Variants in EPHA8 observed in about 807,000 individuals in gnomAD.
The protein encoded by EPHA8 is ephrin type-A receptor 8.
In EPHA8, 58 loss-of-function variants were observed where a neutral mutation model predicts 103.6. The ratio of observed to expected loss-of-function variants is 0.56; its 90% CI spans 0.45 to 0.70. The LOEUF (loss-of-function observed/expected upper bound fraction) is 0.70, where lower values mean the gene tolerates loss of function less well. Ranked by LOEUF, EPHA8 falls within the 30% of genes least tolerant of loss-of-function variation. The pLI, the probability that EPHA8 is intolerant of heterozygous loss-of-function variation, is 0.00. For missense variants in EPHA8, 1,304 were observed against 1,395.2 expected, an observed-to-expected ratio of 0.93 and a Z score of 1.04; for synonymous variants, 559 against 572.5, an observed-to-expected ratio of 0.98 and a Z score of 0.34.
Position 22,576,907 on chromosome 1 carries a change from G to A in EPHA8, c.823+27G>A, listed in dbSNP as rs1427377856. The stretch of plus-strand genomic sequence containing the variant: ...TGAGCGCGCCATGGCCTGGGCATGG[G>A]TCAGCCGGCAGCGGTGCTTGGTCTT... On this transcript the variant is annotated intron_variant, in intron 3 of 16. Coordinates refer to ENST00000166244, the MANE Select transcript of EPHA8 (RefSeq NM_020526.5). The surrounding 1 kb of genome is among the most constrained non-coding windows in gnomAD (Gnocchi z 4.8). 1 of 1,556,410 alleles carries A rather than the reference G, an allele frequency of 6.4e-7. No homozygotes were observed. The highest frequency in any genetic ancestry group is 8.7e-7 in the Non-Finnish European group (1 of 1,148,104).
chr1:22,600,965 A>G lies in EPHA8; in HGVS notation c.2606A>G (p.Gln869Arg). 6.2e-7 allele frequency: 1 copy of G among 1,613,002 alleles called. No individual in the cohort carries two copies. The highest frequency in any genetic ancestry group is 8.5e-7 in the Non-Finnish European group (1 of 1,179,826). The change falls in exon 15 of 17, where the codon CAG becomes CGG. Residue 869 changes from glutamine (Q) to arginine (R), a missense_variant. Gln to Arg is a conservative substitution (Grantham distance 43, BLOSUM62 1). Coordinates refer to ENST00000166244, the MANE Select transcript of EPHA8 (RefSeq NM_020526.5). ...ATGGGCTGCCCCCACGCCCTGCACC[A>G]GCTCATGCTCGACTGTTGGCACAAG... ...APMGCPHALH[Q>R]LMLDCWHKDR... is the part of the protein sequence containing the mutation.
Position 22,597,940 on chromosome 1 carries a change from A to G in EPHA8, c.2116+79A>G, listed in dbSNP as rs536446597. ...GGCCTCTGGGTCCATCCCCTCATCC[A>G]TCCTGCTCTGCCCCACCTGACCCTG... On this transcript the variant is annotated intron_variant, in intron 11 of 16. Transcript: ENST00000166244. The surrounding 1 kb of genome is among the most constrained non-coding windows in gnomAD (Gnocchi z 4.6). 3.7e-5 allele frequency: 57 copies of G among 1,538,266 alleles called. No individual in the cohort carries two copies. The Admixed American group carries it at 7.7e-4, about 21-fold the overall frequency.
rs777366214 is a variant in EPHA8, at chr1:22,597,346, C to A, written c.1800C>A (p.Pro600=). Residue 600 remains proline, a synonymous_variant, in exon 10 of 17, where the codon CCC becomes CCA. Coordinates refer to ENST00000166244, the MANE Select transcript of EPHA8 (RefSeq NM_020526.5). The surrounding 1 kb of genome is among the most constrained non-coding windows in gnomAD (Gnocchi z 4.6). ...PPPVFLPLHH[P]PGKLPEPQFY... is the part of the protein sequence containing the mutation. Reference sequence around the variant, plus strand: ...CTGTCTTCCTGCCTCTGCATCACCCCCCGGGAAAGCTCCCAGAGCCCCAGT... The same window carrying A: ...CTGTCTTCCTGCCTCTGCATCACCCACCGGGAAAGCTCCCAGAGCCCCAGT... The A allele has an allele frequency of 6.8e-6, 11 of 1,611,514 alleles. No homozygotes were observed. Among genetic ancestry groups the A allele is most frequent in the Non-Finnish European group, 9.3e-6 (11 of 1,178,664 alleles).
chr1:22,591,786 T>C (rs976467602), intron 5 of EPHA8, among the ~76,000 whole-genome samples: 1 of 152,266 alleles, frequency 6.6e-6, no homozygotes, highest in Middle Eastern at 3.4e-3. Flanking sequence ...TCGGAATGAC[T>C]CACTCTTCCC....
chr1:22,578,199 CGTGCGAGTGT>C (rs1640825463), intron 3 of EPHA8, among the ~76,000 whole-genome samples: 1 of 40,970 alleles, frequency 2.4e-5, no homozygotes, highest in Non-Finnish European at 5.5e-5. Context: ...CATGTGTGTG[CGTGCGAGTGT>C]GTGCGTGTGA....
In EPHA8 at chr1:22,599,061, A is replaced by G. The variant is rs762914709; in HGVS notation, c.2388+14A>G. On this transcript the variant is annotated intron_variant, in intron 13 of 16. Transcript: ENST00000166244. ...TACACCACCACGGTGCGTCGCCCAC[A>G]CTCCTTCCGGCTAGACTGGGGAGTG... is the stretch of plus-strand genomic sequence containing the variant. 2 of 1,583,506 alleles carry G rather than the reference A, an allele frequency of 1.3e-6. No homozygotes were observed. Among genetic ancestry groups the G allele is most frequent in the African/African-American group, 1.3e-5 (1 of 74,322 alleles).
At position 22,576,560 on chromosome 1, in the gene EPHA8, C is replaced by A. The variant is rs142239276; in HGVS notation, c.503C>A (p.Thr168Lys). ...GGTGTGCGGCGTCTCAAGCTCAACA[C>A]GGAGGTGCGCAGTGTGGGTCCCCTC... The part of the protein sequence containing the change: ...DLGVRRLKLN[T>K]EVRSVGPLSK... Residue 168 changes from threonine (T) to lysine (K), a missense_variant, in exon 3 of 17, where the codon ACG becomes AAG. Coordinates refer to ENST00000166244, the MANE Select transcript of EPHA8 (RefSeq NM_020526.5). The surrounding 1 kb of genome is among the most constrained non-coding windows in gnomAD (Gnocchi z 4.8). 2.8e-5 allele frequency: 45 copies of A among 1,614,132 alleles called. No homozygotes were observed. Among genetic ancestry groups the A allele is most frequent in the Non-Finnish European group, 3.8e-5 (45 of 1,180,046 alleles).
At position 22,577,126 on chromosome 1, in the gene EPHA8, G is replaced by C. The variant is rs114947354; in HGVS notation, c.823+246G>C. On this transcript the variant is annotated intron_variant, in intron 3 of 16. Transcript: ENST00000166244. Reference sequence around the variant, plus strand: ...GAGAGGGAGGGAAACAGACCCCAGCGAGGCGGTGCCTTCTGTGGGAGGTAC... The same window carrying C: ...GAGAGGGAGGGAAACAGACCCCAGCCAGGCGGTGCCTTCTGTGGGAGGTAC... 6.4e-3 allele frequency among the ~76,000 whole-genome samples: 982 copies of C among 152,298 alleles called. 7 individuals are homozygous for C. The highest frequency in any genetic ancestry group is 0.025 in the East Asian group (130 of 5,178).
chr1:22,568,135 A>C (rs1293232129), intron 1 of EPHA8, among the ~76,000 whole-genome samples: 1 of 152,218 alleles, frequency 6.6e-6, no homozygotes, highest in Non-Finnish European at 1.5e-5. Flanking sequence ...GGTAAGGACC[A>C]GCCCTGGCTC....
intron 3 of EPHA8, among the ~76,000 whole-genome samples, chr1:22,578,697 C>T (rs1006230395): frequency 2.1e-5 from 3 of 145,146 alleles, no homozygotes; most frequent in Non-Finnish European, 4.6e-5. Flanking sequence ...GTATGTGTGC[C>T]TGTGTGTGTA....
intron 3 of EPHA8, among the ~76,000 whole-genome samples, chr1:22,585,584 C>T (rs1212803701): frequency 6.6e-6 from 1 of 152,206 alleles, no homozygotes; most frequent in African/African-American, 2.4e-5. Flanking sequence ...CCTCCAAGGC[C>T]CAAACAGGCC....
At chr1:22,566,386 C>T (rs1318471820) in intron 1 of EPHA8, among the ~76,000 whole-genome samples, 3 of 152,158 alleles carry the variant, frequency 2.0e-5, no homozygotes, top group South Asian at 2.1e-4. Context: ...GGGAAGGCGA[C>T]GGTGCTGGAG....
Position 22,569,123 on chromosome 1 carries a change from G to A in EPHA8, c.95-166G>A, listed in dbSNP as rs1021695894. On this transcript the variant is annotated intron_variant, in intron 1 of 16. Transcript: ENST00000166244. This position sits in a 1 kb window ranked among gnomAD's most constrained non-coding sequence, Gnocchi z 4.5. ...TCAGGGAAGAGAAAGAACTTAAACT[G>A]GGCCTTCAAGGAGAGGGGAAGAGAG... 3.3e-5 allele frequency among the ~76,000 whole-genome samples: 5 copies of A among 152,172 alleles called. No individual in the cohort carries two copies. The highest frequency in any genetic ancestry group is 7.3e-5 in the Non-Finnish European group (5 of 68,036).
chr1:22,578,218 G>A (rs966694307), intron 3 of EPHA8, among the ~76,000 whole-genome samples: 3 of 119,994 alleles, frequency 2.5e-5, no homozygotes, highest in Admixed American at 7.9e-5. Context: ...GTGTGCGTGT[G>A]AGTGTGCATG....
chr1:22,566,947 T>G (rs535365873), intron 1 of EPHA8, among the ~76,000 whole-genome samples: 1 of 152,242 alleles, frequency 6.6e-6, no homozygotes, highest in Admixed American at 6.5e-5. Flanking sequence ...CAAACAGCCC[T>G]GGAATCCCAT....
At position 22,589,452 on chromosome 1, in the gene EPHA8, C is replaced by T. The variant is rs1334028058; in HGVS notation, c.1315+246C>T. The T allele has an allele frequency of 1.1e-5, 17 of 1,489,612 alleles. No homozygotes were observed. The highest frequency in any genetic ancestry group is 2.8e-5 in the African/African-American group (2 of 71,494). The allele number at this position is 1,489,612 out of a possible 1,614,324, so 92.3% of individuals were successfully genotyped here. A position where few individuals can be genotyped will look rare whatever the true frequency, so the allele number is the denominator to read the frequency against. On this transcript the variant is annotated intron_variant, in intron 5 of 16. Transcript: ENST00000166244. This position sits in a 1 kb window ranked among gnomAD's most constrained non-coding sequence, Gnocchi z 4.3. The stretch of plus-strand genomic sequence containing the variant: ...GGCAGGCTAGTGTGGCCGTCGAAAG[C>T]CTAGGTTCCAGAACTTTCCCTCTCT...
chr1:22,596,319 A>G (rs928427868), intron 9 of EPHA8, 146 bp downstream of exon 9: 1 of 762,692 alleles, frequency 1.3e-6, no homozygotes, highest in Non-Finnish European at 2.2e-6. Context: ...TGTCACAGAG[A>G]CCTGGTGCCC....
chr1:22,582,005 C>A (rs901207475), intron 3 of EPHA8, among the ~76,000 whole-genome samples: 2 of 152,154 alleles, frequency 1.3e-5, no homozygotes, highest in African/African-American at 4.8e-5. Context: ...CCCTTTCTAC[C>A]CCTGGAGAAG....
At chr1:22,585,302 C>G (rs1054940782) in intron 3 of EPHA8, among the ~76,000 whole-genome samples, 2 of 152,116 alleles carry the variant, frequency 1.3e-5, no homozygotes, top group Admixed American at 6.5e-5. Context: ...GATTTGAACA[C>G]CAGGTTTCAT....
Sources: allele counts gnomAD v4.1 joint callset (sites outside exome capture counted in the v4.1 genomes callset), GRCh38; gene constraint gnomAD v4.1.1; non-coding constraint Gnocchi (gnomAD v3.1); transcripts MANE v1.5; gene names NCBI Gene and HGNC (gene_info 2026-07-23, HGNC 2026-07-21).